Variants in SGCZ observed in about 807,000 individuals in gnomAD.
The protein encoded by SGCZ is sarcoglycan zeta.
In SGCZ, 40 loss-of-function variants were observed where a neutral mutation model predicts 41.3. The ratio of observed to expected loss-of-function variants is 0.97; its 90% CI spans 0.75 to 1.26. SGCZ has a LOEUF of 1.26. Ranked by LOEUF, SGCZ falls within the 50% of genes most tolerant of loss-of-function variation. The probability of loss-of-function intolerance (pLI) is 0.00; values close to 1 mark genes in which losing one functional copy is unlikely to be tolerated. For synonymous variants in SGCZ, 206 were observed against 137.5 expected (o/e 1.50, Z -3.49); for missense variants, 552 against 369.8 (o/e 1.49, Z -4.04).
chr8:15,148,070 G>C (rs1799084041), intron 1 of SGCZ, among the ~76,000 whole-genome samples: 1 of 150,998 alleles, frequency 6.6e-6, no homozygotes, highest in South Asian at 2.1e-4. Flanking sequence ...GACCAACCAA[G>C]TCTCCTACAC....
intron 1 of SGCZ, among the ~76,000 whole-genome samples, chr8:14,616,392 G>C (rs1376676454): frequency 2.0e-5 from 3 of 151,842 alleles, no homozygotes; most frequent in South Asian, 2.1e-4. Context: ...CTCTACTTTG[G>C]TTCTCTAAAG....
At chr8:15,097,821 T>G (rs1404260929) in intron 1 of SGCZ, among the ~76,000 whole-genome samples, 2 of 65,742 alleles carry the variant, frequency 3.0e-5, no homozygotes, top group Non-Finnish European at 6.7e-5. Flanking sequence ...TATACGTGTG[T>G]GTATATATAT....
At chr8:14,425,023 A>T (rs1009375112) in intron 2 of SGCZ, among the ~76,000 whole-genome samples, 2 of 152,166 alleles carry the variant, frequency 1.3e-5, no homozygotes, top group Admixed American at 6.6e-5. Context: ...ATTGAGCTTG[A>T]AATATATTTT....
intron 1 of SGCZ, among the ~76,000 whole-genome samples, chr8:14,785,151 G>C (rs1226039383): frequency 6.6e-6 from 1 of 150,938 alleles, no homozygotes; most frequent in Non-Finnish European, 1.5e-5. Context: ...TAAATAAAAT[G>C]ATAATCCCAG....
chr8:15,152,722 G>A (rs1799215863), intron 1 of SGCZ, among the ~76,000 whole-genome samples: 1 of 152,208 alleles, frequency 6.6e-6, no homozygotes, highest in African/African-American at 2.4e-5. Context: ...AGTTGCTCCA[G>A]AGTACGTATC....
intron 1 of SGCZ, among the ~76,000 whole-genome samples, chr8:15,216,077 G>T (rs1289844080): frequency 1.3e-5 from 2 of 151,970 alleles, no homozygotes; most frequent in Non-Finnish European, 2.9e-5. Flanking sequence ...CTCAAGTGTG[G>T]CCCCATCTAC....
chr8:14,753,412 C>G lies in SGCZ; in HGVS notation c.40-198486G>C, dbSNP rs1370048606. Among the ~76,000 whole-genome samples, 8 of 152,234 alleles carry G rather than the reference C, an allele frequency of 5.3e-5. No homozygotes were observed. The East Asian group carries it at 1.5e-3, about 29-fold the overall frequency. ...GGTTTTATTAACAACAACATAAAAA[C>G]AATGGGACTTACTGTGTATTATGTG... On this transcript the variant is annotated intron_variant, in intron 1 of 7. Coordinates refer to ENST00000382080, the MANE Select transcript of SGCZ (RefSeq NM_139167.4).
At chr8:14,216,843 A>G (rs1250022636) in intron 4 of SGCZ, among the ~76,000 whole-genome samples, 1 of 152,198 alleles carries the variant, frequency 6.6e-6, no homozygotes, top group Non-Finnish European at 1.5e-5. Context: ...TGAGTCATGT[A>G]AGTCCTAACA....
At chr8:14,609,746 G>T (rs930699882) in intron 1 of SGCZ, among the ~76,000 whole-genome samples, 30 of 152,040 alleles carry the variant, frequency 2.0e-4, no homozygotes, top group African/African-American at 7.0e-4. Context: ...GCTGATAAAG[G>T]TGCTTTCTAA....
At chr8:14,799,831 T>C (rs1801261342) in intron 1 of SGCZ, among the ~76,000 whole-genome samples, 2 of 152,064 alleles carry the variant, frequency 1.3e-5, no homozygotes, top group Admixed American at 6.6e-5. Flanking sequence ...AAACATAACC[T>C]AGCAAATGTA....
At chr8:14,746,676 C>G (rs371789349) in intron 1 of SGCZ, among the ~76,000 whole-genome samples, 1 of 152,242 alleles carries the variant, frequency 6.6e-6, no homozygotes, top group Admixed American at 6.5e-5. Context: ...AATCTAACCT[C>G]AATTATCACA....
chr8:15,008,966 C>T (rs898420488), intron 1 of SGCZ, among the ~76,000 whole-genome samples: 35 of 152,112 alleles, frequency 2.3e-4, no homozygotes, highest in Admixed American at 1.7e-3. Flanking sequence ...CACACAAGTG[C>T]ACACAATACT....
intron 1 of SGCZ, among the ~76,000 whole-genome samples, chr8:15,027,840 T>C (rs1585488183): frequency 6.6e-6 from 1 of 152,110 alleles, no homozygotes; most frequent in African/African-American, 2.4e-5. Context: ...GATATATTTA[T>C]AGTGTATATT....
At chr8:14,103,315 G>GT (rs1486592079) in intron 6 of SGCZ, among the ~76,000 whole-genome samples, 10 of 152,036 alleles carry the variant, frequency 6.6e-5, no homozygotes, top group African/African-American at 2.4e-4. Context: ...GAATACAGTG[G>GT]TAAAAAGTGC....
rs550764511 is a variant in SGCZ at position 14,881,756 on chromosome 8, A to G, written c.40-326830T>C. ...CTGATAGGTATCAACAGAATTCTCC[A>G]TCCAAAAATAACAGAATATACATTT... On this transcript the variant is annotated intron_variant, in intron 1 of 7. Transcript: ENST00000382080. 1.3e-3 allele frequency among the ~76,000 whole-genome samples: 194 copies of G among 152,370 alleles called. 1 individual carries two copies. The highest frequency in any genetic ancestry group is 4.4e-3 in the African/African-American group (184 of 41,588).
chr8:14,085,041 T>C lies in SGCZ; in HGVS notation c.*5402A>G, dbSNP rs1238237931. On this transcript the variant is annotated 3_prime_UTR_variant, in exon 8 of 8. Coordinates refer to ENST00000382080, the MANE Select transcript of SGCZ (RefSeq NM_139167.4). The stretch of plus-strand genomic sequence containing the variant: ...TTGCTGCATTTTCTCTCCCCCAAAA[T>C]ATACCCCAATTAAGTTCCATCTAAA... Among the ~76,000 whole-genome samples the C allele has an allele frequency of 1.3e-5, 2 of 151,692 alleles. No individual in the cohort carries two copies. The highest frequency in any genetic ancestry group is 4.8e-5 in the African/African-American group (2 of 41,380).
chr8:14,503,817 C>T (rs187891530), intron 2 of SGCZ, among the ~76,000 whole-genome samples: 96 of 152,078 alleles, frequency 6.3e-4, no homozygotes, highest in African/African-American at 2.3e-3. Context: ...TTAAGACTTG[C>T]TCTGAAAATT....
chr8:14,821,011 T>G (rs1802061858), intron 1 of SGCZ, among the ~76,000 whole-genome samples: 1 of 150,342 alleles, frequency 6.7e-6, no homozygotes, highest in Non-Finnish European at 1.5e-5. Flanking sequence ...AAATAGCGAT[T>G]CAAAAAATGA....
intron 2 of SGCZ, among the ~76,000 whole-genome samples, chr8:14,369,764 C>T (rs555150302): frequency 4.6e-4 from 70 of 151,890 alleles, no homozygotes; most frequent in African/African-American, 1.7e-3. Context: ...ACTATAAATA[C>T]AATTTTTTCC....
Sources: gnomAD v4.1 joint callset for allele counts (sites outside exome capture counted in the v4.1 genomes callset) on GRCh38, gnomAD v4.1.1 for gene constraint, MANE v1.5 for transcripts, NCBI Gene and HGNC (gene_info 2026-07-23, HGNC 2026-07-21) for gene names.